KISS1: variants seen among roughly 807,000 people sequenced by gnomAD.
The protein encoded by KISS1 is metastasis-suppressor KiSS-1.
For synonymous variants in KISS1, 97 were observed against 88.7 expected, an observed-to-expected ratio of 1.09 and a Z score of -0.52; for missense variants, 182 against 182.7, an observed-to-expected ratio of 1.00 and a Z score of 0.02.
chr1:204,193,148 C>T (rs545839851), intron 1 of KISS1, among the ~76,000 whole-genome samples: 1 of 152,264 alleles, frequency 6.6e-6, no homozygotes, highest in African/African-American at 2.4e-5. Context: ...TCAGGGAGGG[C>T]TTCCTGGAGG....
In KISS1 at chr1:204,190,583, C is replaced by T; in HGVS notation, c.318G>A (p.Glu106=). ...TCCAGTTGTAGTTCGGCAGGTCCTT[C>T]TCCCGCTGCACCAGCACCGCGCCCT... is the stretch of plus-strand genomic sequence containing the variant. ...APQGAVLVQR[E]KDLPNYNWNS... Residue 106 remains glutamate, a synonymous_variant, in exon 3 of 3, where the codon GAG becomes GAA. Transcript: ENST00000367194. 6.2e-7 allele frequency: 1 copy of T among 1,602,010 alleles called. No homozygotes were observed.
intron 1 of KISS1, among the ~76,000 whole-genome samples, chr1:204,195,333 C>T (rs1439708584): frequency 3.3e-5 from 3 of 89,722 alleles, no homozygotes; most frequent in African/African-American, 1.3e-4. Context: ...CCACACACAC[C>T]ACACACGCAT....
At chr1:204,194,977 C>T (rs1372632247) in intron 1 of KISS1, among the ~76,000 whole-genome samples, 1 of 151,990 alleles carries the variant, frequency 6.6e-6, no homozygotes, top group African/African-American at 2.4e-5. Context: ...GTTCTCTGTG[C>T]GGAAGCAGGG....
intron 2 of KISS1, 111 bp from the exon 3 acceptor site, chr1:204,190,908 T>G (rs1250115135): frequency 2.1e-6 from 2 of 961,034 alleles, no homozygotes; most frequent in African/African-American, 3.3e-5. Context: ...TTTTGGAAGC[T>G]CGGAGCTCAG....
At chr1:204,190,870 A>G in intron 2 of KISS1, 73 bp from the exon 3 acceptor site, 1 of 1,277,282 alleles carries the variant, frequency 7.8e-7, no homozygotes, top group Non-Finnish European at 1.1e-6. Flanking sequence ...CTGTCATCCC[A>G]TCCTATCCTT....
intron 1 of KISS1, among the ~76,000 whole-genome samples, chr1:204,194,902 C>A (rs899329108): frequency 6.6e-6 from 1 of 151,920 alleles, no homozygotes; most frequent in African/African-American, 2.4e-5. Context: ...GGGAAGGGGC[C>A]CTGCAGGGGC....
chr1:204,194,200 C>G (rs1264371602), intron 1 of KISS1, among the ~76,000 whole-genome samples: 1 of 152,194 alleles, frequency 6.6e-6, no homozygotes, highest in Non-Finnish European at 1.5e-5. Flanking sequence ...CTTTCATTCC[C>G]TGTGAAATGT....
chr1:204,195,631 C>CAT (rs1314501935), intron 1 of KISS1, among the ~76,000 whole-genome samples: 1 of 150,298 alleles, frequency 6.7e-6, no homozygotes, highest in Non-Finnish European at 1.5e-5. Flanking sequence ...CATACACGTA[C>CAT]ATCATACACA....
intron 2 of KISS1, among the ~76,000 whole-genome samples, chr1:204,191,391 A>T (rs1658741777): frequency 6.7e-6 from 1 of 149,044 alleles, no homozygotes; most frequent in Non-Finnish European, 1.5e-5. Context: ...TAAGGACTCA[A>T]TGAGAAACAA....
chr1:204,190,717 C>A lies in KISS1; in HGVS notation c.184G>T (p.Ala62Ser). ...PCTERKPAAT[A>S]RLSRRGTSLS... ...GAGGTCCCCCGACGGCTCAGCCTGG[C>A]AGTAGCAGCTGGCTTCCTCTCGGTG... Residue 62 changes from alanine to serine, a missense_variant, in exon 3 of 3, where the codon GCC (alanine) becomes TCC (serine). Ala to Ser is a moderately conservative substitution (Grantham distance 99). Coordinates refer to ENST00000367194, the MANE Select transcript of KISS1 (RefSeq NM_002256.4). 1 of 1,608,660 alleles carries A rather than the reference C, an allele frequency of 6.2e-7. No individual in the cohort carries two copies.
At chr1:204,191,493 A>T (rs1658742853) in intron 2 of KISS1, among the ~76,000 whole-genome samples, 1 of 152,234 alleles carries the variant, frequency 6.6e-6, no homozygotes, top group South Asian at 2.1e-4. Context: ...CTAATTTGGA[A>T]GGCACTTCAC....
Position 204,194,392 on chromosome 1 carries a change from G to A in KISS1, c.-38-1478C>T, listed in dbSNP as rs189608858. Among the ~76,000 whole-genome samples the A allele has an allele frequency of 5.6e-4, 85 of 152,310 alleles. No individual in the cohort carries two copies. In the East Asian group the frequency reaches 0.013, roughly 23 times the overall value. On this transcript the variant is annotated intron_variant, in intron 1 of 2. Transcript: ENST00000367194. ...ACCTTAAGGCCCAGGGCTGGGGCAC[G>A]GAGTAGAGGTAGGATTAATCCATTG... is the stretch of plus-strand genomic sequence containing the variant.
Position 204,190,759 on chromosome 1 carries a change from C to G in KISS1, c.142G>C (p.Glu48Gln), listed in dbSNP as rs928040235. Residue 48 changes from glutamate (E) to glutamine (Q), a missense_variant, in exon 3 of 3, where the codon GAG becomes CAG. Coordinates refer to ENST00000367194, the MANE Select transcript of KISS1 (RefSeq NM_002256.4). ...CTCTCGGTGCACGGCAGGCTCTGCTCCCCGGGGGCCAGGAGGCCCAGGGAT... is the reference window on the plus strand; with the variant it reads ...CTCTCGGTGCACGGCAGGCTCTGCTGCCCGGGGGCCAGGAGGCCCAGGGAT... ...LESLGLLAPG[E>Q]QSLPCTERKP... 4.3e-6 allele frequency: 7 copies of G among 1,611,376 alleles called. No homozygotes were observed. In the African/African-American group the frequency reaches 5.3e-5, roughly 12 times the overall value.
At chr1:204,195,695 CAT>C (rs1484193393) in intron 1 of KISS1, among the ~76,000 whole-genome samples, 3 of 146,880 alleles carry the variant, frequency 2.0e-5, no homozygotes, top group Non-Finnish European at 4.5e-5. Flanking sequence ...CATATACACA[CAT>C]ACACCCATAC....
chr1:204,195,343 T>TACACCCATACACACATCATAC, intron 1 of KISS1, among the ~76,000 whole-genome samples: 1 of 5,444 alleles, frequency 1.8e-4, no homozygotes, highest in Admixed American at 2.4e-3. Context: ...CACACACGCA[T>TACACCCATACACACATCATAC]ACACACCACA....
In KISS1 at chr1:204,192,728, A is replaced by G. The variant is rs1296291579; in HGVS notation, c.103+46T>C. The G allele has an allele frequency of 8.3e-7, 1 of 1,208,048 alleles. No individual in the cohort carries two copies. The highest frequency in any genetic ancestry group is 1.2e-6 in the Non-Finnish European group (1 of 828,758). The allele number at this position is 1,208,048 out of a possible 1,614,324, so 74.8% of individuals were successfully genotyped here. ...AAAATACGGGAAAGCTCATTTTGCAACAACCCACTTGCTCCCTCCCACTCC... is the reference window on the plus strand; with the variant it reads ...AAAATACGGGAAAGCTCATTTTGCAGCAACCCACTTGCTCCCTCCCACTCC... On this transcript the variant is annotated intron_variant, in intron 2 of 2. Transcript: ENST00000367194. The surrounding 1 kb of genome is among the most constrained non-coding windows in gnomAD (Gnocchi z 4.2).
chr1:204,190,429 C>CCCCATGCTCTGACT lies in KISS1; in HGVS notation c.*54_*55insAGTCAGAGCATGGG. ...CTACGTCCCCGCCCCCCGCCCCCGC[C>CCCCATGCTCTGACT]CCGCATGCTCTGACTCCTTTGGGGT... On this transcript the variant is annotated 3_prime_UTR_variant, in exon 3 of 3. Transcript: ENST00000367194. 1.0e-6 allele frequency: 1 copy of CCCCATGCTCTGACT among 998,578 alleles called. No homozygotes were observed. Among genetic ancestry groups the CCCCATGCTCTGACT allele is most frequent in the Non-Finnish European group, 1.5e-6 (1 of 661,878 alleles). The allele number at this position is 998,578 out of a possible 1,614,324, so 61.9% of individuals were successfully genotyped here. A position where few individuals can be genotyped will look rare whatever the true frequency, so the allele number is the denominator to read the frequency against.
At chr1:204,195,218 CACCCATACACATATACACGCATA>C in intron 1 of KISS1, among the ~76,000 whole-genome samples, 1 of 940 alleles carries the variant, frequency 1.1e-3, no homozygotes, top group Non-Finnish European at 2.5e-3. Flanking sequence ...TATACGCACA[CACCCATACACATATACACGCATA>C]CACCCATACA....
chr1:204,190,608 TG>T lies in KISS1; in HGVS notation c.292del (p.Gln98ArgfsTer49). 6.3e-7 allele frequency: 1 copy of T among 1,591,814 alleles called. No homozygotes were observed. The highest frequency in any genetic ancestry group is 1.7e-5 in the Admixed American group (1 of 57,214). On this transcript the variant is annotated frameshift_variant, in exon 3 of 3. Transcript: ENST00000367194. LOFTEE classifies it low-confidence loss of function (END_TRUNC). ...APHSRQIPAP[Q>X]GAVLVQREKD... The stretch of plus-strand genomic sequence containing the variant: ...CTCCCGCTGCACCAGCACCGCGCCC[TG>T]GGGTGCGGGGATCTGGCGGCTGTGG...
Sources: allele counts gnomAD v4.1 joint callset (sites outside exome capture counted in the v4.1 genomes callset), GRCh38; gene constraint gnomAD v4.1.1; non-coding constraint Gnocchi (gnomAD v3.1); transcripts MANE v1.5; gene names NCBI Gene and HGNC (gene_info 2026-07-23, HGNC 2026-07-21).